The following KDM1A variants were observed in gnomAD, a reference collection of about 807,000 sequenced individuals.
The protein encoded by KDM1A is lysine-specific histone demethylase 1A.
In KDM1A, 49 loss-of-function variants were observed where a neutral mutation model predicts 109.4. The observed-to-expected ratio is 0.45, with a 90% CI of 0.36 to 0.57. The LOEUF is 0.57. Among genes scored for constraint, KDM1A ranks in the 20% least tolerant of loss-of-function variants. The pLI is 0.00. For synonymous variants in KDM1A, 380 were observed against 415.4 expected (o/e 0.91, Z 1.04); for missense variants, 668 against 1,116.6 (o/e 0.60, Z 5.73).
chr1:23,052,355 G>T (rs1642698529), intron 4 of KDM1A, among the ~76,000 whole-genome samples: 1 of 152,182 alleles, frequency 6.6e-6, no homozygotes, highest in Non-Finnish European at 1.5e-5. Flanking sequence ...CTTGTGTTGG[G>T]AGTGAGGAAC....
chr1:23,077,132 C>T, intron 15 of KDM1A, 96 bp from the exon 16 acceptor site: 1 of 1,191,820 alleles, frequency 8.4e-7, no homozygotes, highest in Non-Finnish European at 1.2e-6. Flanking sequence ...TGACTGTTTC[C>T]ACAAGCTTGT....
At chr1:23,069,816 C>T (rs758859659) in intron 12 of KDM1A, among the ~76,000 whole-genome samples, 5 of 152,260 alleles carry the variant, frequency 3.3e-5, no homozygotes, top group Non-Finnish European at 7.3e-5. Flanking sequence ...CCTTCCAGAG[C>T]CCCAGGCTCC....
intron 15 of KDM1A, 116 bp downstream of exon 15, chr1:23,073,519 TAC>T (rs1449760338): frequency 3.0e-6 from 2 of 657,482 alleles, no homozygotes; most frequent in Non-Finnish European, 5.4e-6. Context: ...ATCATTTACA[TAC>T]AGTGAAATTC....
chr1:23,044,375 T>C, intron 2 of KDM1A, 52 bp from the exon 3 acceptor site: 2 of 1,553,670 alleles, frequency 1.3e-6, no homozygotes, highest in Non-Finnish European at 1.8e-6. Flanking sequence ...TGTCCAGATA[T>C]TATCCTAATT....
intron 18 of KDM1A, 44 bp from the exon 19 acceptor site, chr1:23,081,402 A>C (rs1372506403): frequency 6.2e-7 from 1 of 1,605,548 alleles, no homozygotes; most frequent in South Asian, 1.1e-5. Context: ...TTTTTGAGGA[A>C]AGTCTGTAGG....
In KDM1A at chr1:23,079,526, G is replaced by A. The variant is rs201836190; in HGVS notation, c.2056-27G>A. The A allele has an allele frequency of 1.4e-3, 2,221 of 1,568,074 alleles. 5 individuals carry two copies. In the Middle Eastern group the frequency reaches 0.018, roughly 13 times the overall value. On this transcript the variant is annotated intron_variant, in intron 17 of 20. Transcript: ENST00000400181. The surrounding 1 kb of genome is among the most constrained non-coding windows in gnomAD (Gnocchi z 5.6). ...CCAGTATTATCTGGCCCCTGTCACT[G>A]GCTCATGTGCTTCTTTCTTATGGTA... is the stretch of plus-strand genomic sequence containing the variant.
In KDM1A at chr1:23,050,500, C is replaced by T; in HGVS notation, c.691C>T (p.Leu231Phe). 6.2e-7 allele frequency: 1 copy of T among 1,609,198 alleles called. No individual in the cohort carries two copies. Among genetic ancestry groups the T allele is most frequent in the Non-Finnish European group, 8.5e-7 (1 of 1,177,864 alleles). ...ACCACAACAGACCCAGAAGGTTTTT[C>T]TTTTCATTAGAAACCGCACAGTAAG... ...SGPQQTQKVF[L>F]FIRNRTLQLW... The change falls in exon 4 of 21, where the codon CTT becomes TTT. Residue 231 changes from leucine to phenylalanine, a missense_variant. Leu to Phe is a conservative substitution (Grantham distance 22, BLOSUM62 0). Around this residue, in one of 8 missense-constraint regions of KDM1A, gnomAD observed 149 missense variants for 189.7 expected, o/e 0.79. Coordinates refer to ENST00000400181, the MANE Select transcript of KDM1A (RefSeq NM_001009999.3).
rs748248796 is a variant in KDM1A, at chr1:23,059,061, GTT to G, written c.1073-6_1073-5del. 1 of 1,584,702 alleles carries G rather than the reference GTT, an allele frequency of 6.3e-7. No individual in the cohort carries two copies. Among genetic ancestry groups the G allele is most frequent in the Non-Finnish European group, 8.6e-7 (1 of 1,165,846 alleles). Reference sequence around the variant, plus strand: ...AGGTCTATTGAATTTAATTGCTTGAGTTTTTTTCTAGGAGGGAATCCTATGGC... The same window carrying G: ...AGGTCTATTGAATTTAATTGCTTGAGTTTTTCTAGGAGGGAATCCTATGGC... On this transcript the variant is annotated splice_polypyrimidine_tract_variant and intron_variant, in intron 8 of 20. Coordinates refer to ENST00000400181, the MANE Select transcript of KDM1A (RefSeq NM_001009999.3).
intron 1 of KDM1A, among the ~76,000 whole-genome samples, chr1:23,020,714 T>C (rs146106487): frequency 1.4e-4 from 22 of 152,298 alleles, no homozygotes; most frequent in African/African-American, 5.1e-4. Context: ...TTGTTAAATA[T>C]CAACGGGCAG....
intron 1 of KDM1A, among the ~76,000 whole-genome samples, chr1:23,027,511 G>A (rs9659720): frequency 2.3e-4 from 13 of 56,036 alleles, no homozygotes; most frequent in African/African-American, 7.3e-4. Context: ...ACCCCCCCCC[G>A]CCCCCACCAG....
chr1:23,035,210 T>C (rs1642107043), intron 2 of KDM1A, among the ~76,000 whole-genome samples: 1 of 152,292 alleles, frequency 6.6e-6, no homozygotes, highest in Admixed American at 6.5e-5. Context: ...TTTGTTTGTT[T>C]GTTTGTTTTG....
intron 15 of KDM1A, among the ~76,000 whole-genome samples, chr1:23,076,509 T>C (rs757126915): frequency 1.9e-4 from 29 of 152,234 alleles, no homozygotes; most frequent in Non-Finnish European, 3.7e-4. Flanking sequence ...TAATCAGGAC[T>C]GTGACCCTGA....
intron 12 of KDM1A, among the ~76,000 whole-genome samples, chr1:23,070,830 C>T (rs1208037045): frequency 1.3e-5 from 2 of 151,890 alleles, no homozygotes; most frequent in African/African-American, 4.8e-5. Flanking sequence ...CAAACACACA[C>T]ATTATGACAA....
chr1:23,050,166 G>A (rs536144800), intron 3 of KDM1A, among the ~76,000 whole-genome samples: 51 of 152,234 alleles, frequency 3.4e-4, no homozygotes, highest in African/African-American at 1.2e-3. Flanking sequence ...TATTTTAAAT[G>A]CTTTGTCTTA....
chr1:23,059,014 A>T, intron 8 of KDM1A, 59 bp from the exon 9 acceptor site: 1 of 982,010 alleles, frequency 1.0e-6, no homozygotes, highest in Non-Finnish European at 1.5e-6. Context: ...TTTTTACTTT[A>T]AGGTTTTTGT....
At chr1:23,068,949 T>C (rs1643229228) in intron 11 of KDM1A, 112 bp from the exon 12 acceptor site, 9 of 707,254 alleles carry the variant, frequency 1.3e-5, no homozygotes, top group Non-Finnish European at 1.9e-5. Flanking sequence ...TTCTTGTTCC[T>C]AAGTATCAGA....
At position 23,019,964 on chromosome 1, in the gene KDM1A, C is replaced by T. The variant is rs1036303249; in HGVS notation, c.351+17C>T. The T allele has an allele frequency of 2.0e-6, 3 of 1,508,148 alleles. No individual in the cohort carries two copies. Among genetic ancestry groups the T allele is most frequent in the Non-Finnish European group, 2.7e-6 (3 of 1,132,040 alleles). 93.4% of individuals were successfully genotyped at this position (1,508,148 alleles called of 1,614,324 possible). On this transcript the variant is annotated intron_variant, in intron 1 of 20. Transcript: ENST00000400181. ...CGGGCGAAGGTAAGGCTCGACCCTT[C>T]CCTCAAACGACACCGCCTGGTGCCG... is the stretch of plus-strand genomic sequence containing the variant.
At chr1:23,050,782 C>T (rs1642645865) in intron 4 of KDM1A, among the ~76,000 whole-genome samples, 1 of 152,054 alleles carries the variant, frequency 6.6e-6, no homozygotes, top group South Asian at 2.1e-4. Context: ...CTCATAAATA[C>T]ACATTAAGAA....
chr1:23,023,016 GGTAA>G (rs1641688808), intron 1 of KDM1A, among the ~76,000 whole-genome samples: 3 of 152,120 alleles, frequency 2.0e-5, no homozygotes, highest in Non-Finnish European at 2.9e-5. Context: ...TCCTATTGGG[GGTAA>G]AGTGGTATCT....
Sources: allele counts gnomAD v4.1 joint callset (sites outside exome capture counted in the v4.1 genomes callset), GRCh38; gene constraint gnomAD v4.1.1; regional missense constraint gnomAD v4.1.1; non-coding constraint Gnocchi (gnomAD v3.1); transcripts MANE v1.5; gene names NCBI Gene and HGNC (gene_info 2026-07-23, HGNC 2026-07-21).